ETV7: variants seen among roughly 807,000 people sequenced by gnomAD.
ETV7 encodes transcription factor ETV7.
In ETV7, 43 loss-of-function variants were observed where a neutral mutation model predicts 39.1. That is an observed-to-expected ratio of 1.10 (90% CI 0.86 to 1.42). The LOEUF (loss-of-function observed/expected upper bound fraction) is 1.42. ETV7 is among the 40% of genes most tolerant of loss of function. The pLI is 0.00. For missense variants in ETV7, 432 were observed against 442.3 expected, an observed-to-expected ratio of 0.98 and a Z score of 0.21; for synonymous variants, 196 against 176.6, an observed-to-expected ratio of 1.11 and a Z score of -0.87.
chr6:36,360,792 C>T (rs1561897968), intron 7 of ETV7, among the ~76,000 whole-genome samples: 2 of 152,310 alleles, frequency 1.3e-5, no homozygotes, highest in Non-Finnish European at 1.5e-5. Context: ...GCCCACAGCC[C>T]CACTGTGCTT....
At chr6:36,362,238 C>A (rs1437057764), downstream of ETV7, among the ~76,000 whole-genome samples, 1 of 151,798 alleles carries the variant, frequency 6.6e-6, no homozygotes, top group Non-Finnish European at 1.5e-5. Flanking sequence ...GGAGGCAGAG[C>A]TTGCAGCGAG....
chr6:36,370,602 G>T (rs1772966698), intron 5 of ETV7, among the ~76,000 whole-genome samples: 1 of 151,742 alleles, frequency 6.6e-6, no homozygotes, highest in Non-Finnish European at 1.5e-5. Context: ...TTGGTGACAG[G>T]ATTATTCATA....
At chr6:36,383,111 A>G (rs1773731478) in intron 2 of ETV7, among the ~76,000 whole-genome samples, 1 of 152,106 alleles carries the variant, frequency 6.6e-6, no homozygotes, top group Non-Finnish European at 1.5e-5. Flanking sequence ...AGTTCTGAAA[A>G]TGGTCCTAGA....
At chr6:36,381,366 A>G (rs573920472) in intron 2 of ETV7, among the ~76,000 whole-genome samples, 1 of 152,308 alleles carries the variant, frequency 6.6e-6, no homozygotes, top group Admixed American at 6.5e-5. Flanking sequence ...AGTTTACACA[A>G]CTGTAAGGCG....
chr6:36,366,812 G>A (rs762887755), intron 7 of ETV7, 50 bp from the exon 8 acceptor site: 2 of 1,613,242 alleles, frequency 1.2e-6, no homozygotes, highest in South Asian at 2.2e-5. Context: ...AGCTGCAGGG[G>A]GATTCCAGCC....
At chr6:36,385,901 G>A (rs1773875832) in intron 1 of ETV7, among the ~76,000 whole-genome samples, 1 of 152,158 alleles carries the variant, frequency 6.6e-6, no homozygotes, top group Non-Finnish European at 1.5e-5. Flanking sequence ...CCATGCATGT[G>A]CCTAACTCCA....
rs1772720412 is a variant in ETV7 at position 36,366,432 on chromosome 6, T to C, written c.*213A>G. The C allele has an allele frequency of 5.6e-6, 8 of 1,416,230 alleles. No homozygotes were observed. Among genetic ancestry groups the C allele is most frequent in the African/African-American group, 4.3e-5 (3 of 69,218 alleles). The allele number at this position is 1,416,230 out of a possible 1,614,324, so 87.7% of individuals were successfully genotyped here. A position where few individuals can be genotyped will look rare whatever the true frequency, so the allele number is the denominator to read the frequency against. ...GGAGAGTCCATTCCCCTGTACCTCA[T>C]TTAGCCCCAGGATTGCCCTGCCCAA... On this transcript the variant is annotated 3_prime_UTR_variant, in exon 8 of 8. Transcript: ENST00000340181.
chr6:36,377,305 C>CA (rs1384797697), intron 2 of ETV7, among the ~76,000 whole-genome samples: 2 of 152,020 alleles, frequency 1.3e-5, no homozygotes, highest in Non-Finnish European at 2.9e-5. Context: ...TCCAAAAATA[C>CA]AAAAAAGAAA....
intron 2 of ETV7, among the ~76,000 whole-genome samples, chr6:36,385,246 C>T (rs780053357): frequency 2.0e-5 from 3 of 151,944 alleles, no homozygotes; most frequent in Non-Finnish European, 4.4e-5. Context: ...GAGGCAGAGG[C>T]GAGAGGATAG....
At chr6:36,363,013 T>G (rs2127383316), downstream of ETV7, among the ~76,000 whole-genome samples, 1 of 152,294 alleles carries the variant, frequency 6.6e-6, no homozygotes, top group South Asian at 2.1e-4. Flanking sequence ...GGCCATGTGA[T>G]CTTGCGCAAG....
At chr6:36,377,033 T>C (rs536798249) in intron 2 of ETV7, among the ~76,000 whole-genome samples, 1 of 152,322 alleles carries the variant, frequency 6.6e-6, no homozygotes, top group South Asian at 2.1e-4. Flanking sequence ...GCCAGACAAG[T>C]GGCTGCTTAT....
chr6:36,375,042 C>T (rs1178243711), intron 3 of ETV7, among the ~76,000 whole-genome samples: 1 of 145,764 alleles, frequency 6.9e-6, no homozygotes, highest in Non-Finnish European at 1.5e-5. Context: ...ACACTCCAGC[C>T]TGGGCGACAA....
intron 7 of ETV7, among the ~76,000 whole-genome samples, chr6:36,360,602 A>T (rs912249942): frequency 2.6e-5 from 4 of 152,144 alleles, no homozygotes; most frequent in Admixed American, 6.5e-5. Flanking sequence ...GAGAGAAGGC[A>T]GGCTTGCTGT....
chr6:36,384,031 T>C (rs1263828720), intron 2 of ETV7, among the ~76,000 whole-genome samples: 1 of 152,206 alleles, frequency 6.6e-6, no homozygotes, highest in Non-Finnish European at 1.5e-5. Flanking sequence ...CATGCTGTCA[T>C]GGAAGGGAAG....
At chr6:36,380,091 GC>G (rs1347429079) in intron 2 of ETV7, among the ~76,000 whole-genome samples, 3 of 152,126 alleles carry the variant, frequency 2.0e-5, no homozygotes, top group African/African-American at 7.2e-5. Context: ...TGTGGCATGT[GC>G]TTTTTGACAC....
At position 36,375,959 on chromosome 6, in the gene ETV7, T is replaced by C; in HGVS notation, c.219A>G (p.Pro73=). Residue 73 remains proline (P), a synonymous_variant, in exon 3 of 8, where the codon CCA becomes CCG. Transcript: ENST00000340181. ...TCTCGAACCCGTGCTCCGCGGTGCA[T>C]GGCAGAGAGTACTCCTGCTCTGCCC... ...LRWAEQEYSL[P]CTAEHGFEMN... is the part of the protein sequence containing the mutation. 6.2e-7 allele frequency: 1 copy of C among 1,613,426 alleles called. No homozygotes were observed. Among genetic ancestry groups the C allele is most frequent in the Non-Finnish European group, 8.5e-7 (1 of 1,180,014 alleles).
At chr6:36,376,955 A>C (rs1229201326) in intron 2 of ETV7, among the ~76,000 whole-genome samples, 3 of 152,102 alleles carry the variant, frequency 2.0e-5, no homozygotes, top group Admixed American at 1.3e-4. Flanking sequence ...TGCTCAGGGA[A>C]CAGCCCAGGG....
chr6:36,373,447 C>T lies in ETV7; in HGVS notation c.433+6G>A. 1 of 1,549,016 alleles carries T rather than the reference C, an allele frequency of 6.5e-7. No homozygotes were observed. The highest frequency in any genetic ancestry group is 8.7e-7 in the Non-Finnish European group (1 of 1,152,186). ...GTACTCCGAGCACCACAGAGAGCTTCCTCACCTTCCGGGGGGACTGGAGAG... is the reference window on the plus strand; with the variant it reads ...GTACTCCGAGCACCACAGAGAGCTTTCTCACCTTCCGGGGGGACTGGAGAG... On this transcript the variant is annotated splice_donor_region_variant and intron_variant, in intron 4 of 7. Transcript: ENST00000340181.
rs912326046 is a variant in ETV7, at chr6:36,366,219, C to T, written c.*426G>A. 80 of 1,017,932 alleles carry T rather than the reference C, an allele frequency of 7.9e-5. No individual in the cohort carries two copies. The highest frequency in any genetic ancestry group is 9.3e-5 in the Non-Finnish European group (79 of 849,096). The allele number at this position is 1,017,932 out of a possible 1,614,324, so 63.1% of individuals were successfully genotyped here. The stretch of plus-strand genomic sequence containing the variant: ...TCAGCTACCATTGTTTTTATTGTTA[C>T]TGAGGCTGTCAGTGCCGCCTGGAAG... On this transcript the variant is annotated 3_prime_UTR_variant, in exon 8 of 8. Transcript: ENST00000340181.
Sources: allele counts gnomAD v4.1 joint callset (sites outside exome capture counted in the v4.1 genomes callset), GRCh38; gene constraint gnomAD v4.1.1; transcripts MANE v1.5; gene names NCBI Gene and HGNC (gene_info 2026-07-23, HGNC 2026-07-21).